The following SCAI variants were observed in gnomAD, a reference collection of about 807,000 sequenced individuals.
SCAI encodes protein SCAI.
A neutral mutation model predicts 92.2 loss-of-function variants in SCAI; 24 were observed. The ratio of observed to expected loss-of-function variants is 0.26; its 90% confidence interval spans 0.19 to 0.37. The LOEUF is 0.37. SCAI is among the 10% of genes least tolerant of loss of function. The pLI is 1.00. For synonymous variants in SCAI, 261 were observed against 258.6 expected (o/e 1.01, Z -0.09); for missense variants, 450 against 736.2 (o/e 0.61, Z 4.50).
chr9:125,018,860 C>CCCTGTTCCAGCAATGGGGCT lies in SCAI; in HGVS notation c.780_799dup (p.Gly267GlufsTer9). 6.2e-7 allele frequency: 1 copy of CCCTGTTCCAGCAATGGGGCT among 1,613,988 alleles called. No homozygotes were observed. Among genetic ancestry groups the CCCTGTTCCAGCAATGGGGCT allele is most frequent in the Non-Finnish European group, 8.5e-7 (1 of 1,179,932 alleles). ...CAGAGACAACTGTCCCACAATCATG[C>CCCTGTTCCAGCAATGGGGCT]CCTGTTCCAGCAATGGGGCTCCTGT... On this transcript the variant is annotated frameshift_variant, in exon 9 of 18. Transcript: ENST00000336505. LOFTEE classifies it high-confidence loss of function.
At chr9:125,123,842 G>C (rs960058794) in intron 2 of SCAI, among the ~76,000 whole-genome samples, 2 of 152,196 alleles carry the variant, frequency 1.3e-5, no homozygotes, top group East Asian at 1.9e-4. Context: ...AGGAAACCAC[G>C]TGTGAGCACC....
intron 9 of SCAI, among the ~76,000 whole-genome samples, chr9:125,013,853 T>C (rs1832691205): frequency 6.6e-6 from 1 of 152,176 alleles, no homozygotes; most frequent in Non-Finnish European, 1.5e-5. Context: ...GCTTCATCCC[T>C]GGGATGCAAG....
intron 2 of SCAI, among the ~76,000 whole-genome samples, chr9:125,114,683 C>T (rs1835000567): frequency 6.7e-6 from 1 of 150,368 alleles, no homozygotes; most frequent in Admixed American, 6.6e-5. Context: ...ACAGCTCACA[C>T]CAGCCTTGAA....
At chr9:125,076,688 C>G (rs763089586) in intron 2 of SCAI, among the ~76,000 whole-genome samples, 1 of 151,928 alleles carries the variant, frequency 6.6e-6, no homozygotes, top group Non-Finnish European at 1.5e-5. Flanking sequence ...AACATCATGG[C>G]GAAACACCAT....
intron 14 of SCAI, among the ~76,000 whole-genome samples, chr9:124,989,313 C>CT (rs1332332123): frequency 6.6e-6 from 1 of 152,098 alleles, no homozygotes; most frequent in Non-Finnish European, 1.5e-5. Flanking sequence ...GGCGCCGTGG[C>CT]TCAGGCTGAG....
At chr9:125,009,783 C>G (rs1396930130) in intron 9 of SCAI, among the ~76,000 whole-genome samples, 2 of 152,102 alleles carry the variant, frequency 1.3e-5, no homozygotes, top group Middle Eastern at 3.4e-3. Context: ...ATGCCAGCTA[C>G]TCAGGAGGCT....
At chr9:125,029,021 C>G (rs1282279313) in intron 4 of SCAI, among the ~76,000 whole-genome samples, 1 of 152,178 alleles carries the variant, frequency 6.6e-6, no homozygotes, top group Non-Finnish European at 1.5e-5. Context: ...TGGTCTTGAA[C>G]TCCTAACCTC....
At chr9:125,105,922 C>A (rs1328847557) in intron 2 of SCAI, among the ~76,000 whole-genome samples, 4 of 150,406 alleles carry the variant, frequency 2.7e-5, no homozygotes, top group Non-Finnish European at 4.4e-5. Flanking sequence ...TGTGGTGAAA[C>A]CCCGTTTCTA....
chr9:124,953,028 A>G, intron 17 of SCAI, 75 bp from the exon 18 acceptor site: 1 of 1,173,142 alleles, frequency 8.5e-7, no homozygotes, highest in Non-Finnish European at 1.3e-6. Context: ...TAACAGTGTC[A>G]AGGAGTAATA....
chr9:125,066,468 T>A (rs7466916), intron 2 of SCAI, among the ~76,000 whole-genome samples: 1,795 of 90,914 alleles, frequency 0.02, 31 homozygotes, highest in African/African-American at 0.034. Flanking sequence ...TTATTTATTT[T>A]TTTTTGAGAC....
rs2131212298 is a variant in SCAI, at chr9:125,100,641, T to C, written c.98+41992A>G. ...TTGGACTAAAATAAGTTACCTCTAG[T>C]AGGGGGAGACAGTACAAATTATATA... is the stretch of plus-strand genomic sequence containing the variant. On this transcript the variant is annotated intron_variant, in intron 2 of 17. Transcript: ENST00000336505. 1.3e-5 allele frequency among the ~76,000 whole-genome samples: 2 copies of C among 152,168 alleles called. 1 individual carries two copies. The highest frequency in any genetic ancestry group is 4.2e-4 in the South Asian group (2 of 4,812).
intron 2 of SCAI, among the ~76,000 whole-genome samples, chr9:125,083,232 T>C (rs984637570): frequency 3.9e-5 from 6 of 152,056 alleles, no homozygotes; most frequent in Admixed American, 6.6e-5. Context: ...AGATGTGACT[T>C]GCAGGCCGGG....
chr9:125,025,509 T>A (rs561712955), intron 6 of SCAI, among the ~76,000 whole-genome samples: 1 of 152,228 alleles, frequency 6.6e-6, no homozygotes, highest in African/African-American at 2.4e-5. Flanking sequence ...TTAATGCCGA[T>A]AAAATGTTAT....
At chr9:125,003,854 C>A (rs1045940439) in intron 9 of SCAI, among the ~76,000 whole-genome samples, 2 of 152,062 alleles carry the variant, frequency 1.3e-5, no homozygotes, top group Non-Finnish European at 2.9e-5. Flanking sequence ...AATAAACTTC[C>A]TCAGGTTTTG....
At chr9:125,003,758 T>C in intron 9 of SCAI, 188 bp from the exon 10 acceptor site, 3 of 579,568 alleles carry the variant, frequency 5.2e-6, no homozygotes, top group Non-Finnish European at 6.1e-6. Flanking sequence ...GTGACATCCA[T>C]ATGTTCATCA....
chr9:125,010,747 C>T (rs1158200675), intron 9 of SCAI, among the ~76,000 whole-genome samples: 1 of 152,188 alleles, frequency 6.6e-6, no homozygotes, highest in Non-Finnish European at 1.5e-5. Flanking sequence ...GGTCCCTGAC[C>T]CCGACCCCTG....
chr9:125,007,049 G>C (rs1832525713), intron 9 of SCAI, among the ~76,000 whole-genome samples: 1 of 152,084 alleles, frequency 6.6e-6, no homozygotes, highest in Admixed American at 6.5e-5. Flanking sequence ...AACCAGGGAG[G>C]CAGAAGATGC....
intron 2 of SCAI, among the ~76,000 whole-genome samples, chr9:125,132,804 T>C (rs1835431763): frequency 6.6e-6 from 1 of 151,864 alleles, no homozygotes; most frequent in African/African-American, 2.4e-5. Context: ...CCATCTCTAC[T>C]AAAAATACAA....
intron 2 of SCAI, among the ~76,000 whole-genome samples, chr9:125,082,586 A>G (rs1332530153): frequency 6.6e-6 from 1 of 152,224 alleles, no homozygotes; most frequent in East Asian, 1.9e-4. Context: ...CAGCCCATGA[A>G]AGCAGCCGGG....
Sources: gnomAD v4.1 joint callset for allele counts (sites outside exome capture counted in the v4.1 genomes callset) on GRCh38, gnomAD v4.1.1 for gene constraint, MANE v1.5 for transcripts, NCBI Gene and HGNC (gene_info 2026-07-23, HGNC 2026-07-21) for gene names.